AIG1: variants seen among roughly 807,000 people sequenced by gnomAD.
The protein encoded by AIG1 is androgen-induced gene 1 protein.
Under a neutral mutation model 31.4 loss-of-function variants are expected in AIG1, and 23 were observed. The observed-to-expected ratio is 0.73, with a 90% confidence interval of 0.53 to 1.04. The LOEUF (loss-of-function observed/expected upper bound fraction) is 1.04. AIG1 is among the 50% of genes least tolerant of loss of function. The pLI is 0.00. For synonymous variants in AIG1, 100 were observed against 110.5 expected (o/e 0.90, Z 0.60); for missense variants, 274 against 295.0 (o/e 0.93, Z 0.52).
chr6:143,186,664 C>A (rs1451071368), intron 3 of AIG1: 1 of 152,242 alleles, frequency 6.6e-6, no homozygotes, highest in Non-Finnish European at 1.5e-5. Flanking sequence ...CTTTTTCCCA[C>A]AACAGTTTAA....
At chr6:143,283,810 G>T (rs1000524470) in intron 3 of AIG1, among the ~76,000 whole-genome samples, 1 of 152,128 alleles carries the variant, frequency 6.6e-6, no homozygotes, top group African/African-American at 2.4e-5. Flanking sequence ...AGTGGTGATT[G>T]TTATTCCTCT....
chr6:143,332,217 T>C (rs959412297), intron 4 of AIG1, among the ~76,000 whole-genome samples: 1 of 152,080 alleles, frequency 6.6e-6, no homozygotes, highest in Non-Finnish European at 1.5e-5. Flanking sequence ...AAGCCAAGGA[T>C]AAGGAAAATG....
rs1359962220 is a variant in AIG1, at chr6:143,154,575, T to C, written c.298-10507T>C. ...TTTCTTTGTAATAACAGAATACTTCTGTATCTCGAGCAGGCAGTCGTGATA... is the reference window on the plus strand; with the variant it reads ...TTTCTTTGTAATAACAGAATACTTCCGTATCTCGAGCAGGCAGTCGTGATA... On this transcript the variant is annotated intron_variant, in intron 2 of 5. Transcript: ENST00000357847. 4.6e-5 allele frequency among the ~76,000 whole-genome samples: 7 copies of C among 152,226 alleles called. No homozygotes were observed. In the East Asian group the frequency reaches 9.6e-4, roughly 21 times the overall value.
chr6:143,339,759 G>A lies in AIG1; in HGVS notation c.*83G>A. The A allele has an allele frequency of 3.4e-6, 5 of 1,485,136 alleles. No individual in the cohort carries two copies. Among genetic ancestry groups the A allele is most frequent in the Admixed American group, 1.9e-5 (1 of 53,538 alleles). The allele number at this position is 1,485,136 out of a possible 1,614,324, so 92.0% of individuals were successfully genotyped here. A position where few individuals can be genotyped will look rare whatever the true frequency, so the allele number is the denominator to read the frequency against. ...GGGCATTGGCAGTGGGGGAGAAAAG[G>A]CTTCAAAGGAACTTGGTGGCATCAG... is the stretch of plus-strand genomic sequence containing the variant. On this transcript the variant is annotated 3_prime_UTR_variant, in exon 6 of 6. Coordinates refer to ENST00000357847, the MANE Select transcript of AIG1 (RefSeq NM_016108.4).
At chr6:143,143,583 CTCTT>C (rs200997626) in intron 2 of AIG1, among the ~76,000 whole-genome samples, 1,730 of 135,162 alleles carry the variant, frequency 0.013, 42 homozygotes, top group African/African-American at 0.043. Flanking sequence ...TTCTGATCCT[CTCTT>C]TATTAAATTT....
intron 2 of AIG1, among the ~76,000 whole-genome samples, chr6:143,151,107 C>G (rs1157680049): frequency 6.6e-6 from 1 of 152,028 alleles, no homozygotes; most frequent in African/African-American, 2.4e-5. Flanking sequence ...GCTAACTCCT[C>G]CCACTTTATT....
At chr6:143,290,311 A>C (rs1328698530) in intron 4 of AIG1, among the ~76,000 whole-genome samples, 1 of 152,238 alleles carries the variant, frequency 6.6e-6, no homozygotes. Context: ...TCAAGTGTGC[A>C]GTTTGACCCT....
intron 1 of AIG1, among the ~76,000 whole-genome samples, chr6:143,129,073 C>T (rs570588521): frequency 2.0e-5 from 3 of 152,082 alleles, no homozygotes; most frequent in South Asian, 2.1e-4. Context: ...AGGCAGATCA[C>T]GAGGTCAAGA....
At chr6:143,303,432 C>T (rs1319006159) in intron 4 of AIG1, among the ~76,000 whole-genome samples, 2 of 151,808 alleles carry the variant, frequency 1.3e-5, no homozygotes, top group African/African-American at 4.8e-5. Flanking sequence ...CCAGTTTCAG[C>T]TTTCTACATA....
chr6:143,067,810 G>GT (rs893306854), intron 1 of AIG1, among the ~76,000 whole-genome samples: 24 of 152,012 alleles, frequency 1.6e-4, no homozygotes, highest in African/African-American at 5.8e-4. Flanking sequence ...ATTTTTTTCT[G>GT]TTTTTTGTTT....
At chr6:143,142,550 C>G (rs1200603056) in intron 2 of AIG1, among the ~76,000 whole-genome samples, 1 of 152,076 alleles carries the variant, frequency 6.6e-6, no homozygotes, top group Non-Finnish European at 1.5e-5. Context: ...GATGATAGCC[C>G]TTTCTGAGTG....
Position 143,333,173 on chromosome 6 carries a change from A to G in AIG1, c.516-109A>G. 8.8e-7 allele frequency: 1 copy of G among 1,140,292 alleles called. No homozygotes were observed. Among genetic ancestry groups the G allele is most frequent in the Non-Finnish European group, 1.2e-6 (1 of 849,188 alleles). 70.6% of individuals were successfully genotyped at this position (1,140,292 alleles called of 1,614,324 possible). On this transcript the variant is annotated intron_variant, in intron 4 of 5. Coordinates refer to ENST00000357847, the MANE Select transcript of AIG1 (RefSeq NM_016108.4). The surrounding 1 kb of genome is among the most constrained non-coding windows in gnomAD (Gnocchi z 4.6). ...ATCAGAAGCGAACTTGAGACTGGCA[A>G]ATGCTGAAGCATGGGGAGAGTGAGG... is the stretch of plus-strand genomic sequence containing the variant.
At chr6:143,235,181 G>C (rs2128634427) in intron 3 of AIG1, among the ~76,000 whole-genome samples, 1 of 152,130 alleles carries the variant, frequency 6.6e-6, no homozygotes, top group East Asian at 1.9e-4. Context: ...AACCTAAGGT[G>C]GTAGGCTATG....
chr6:143,277,104 A>G lies in AIG1; in HGVS notation c.400-7006A>G, dbSNP rs987342649. On this transcript the variant is annotated intron_variant, in intron 3 of 5. Transcript: ENST00000357847. The stretch of plus-strand genomic sequence containing the variant: ...TCAGTTTTTCTCATGTCCCCTTTCT[A>G]TTGTTTTAGATCATGTTTTGCTAAT... Among the ~76,000 whole-genome samples the G allele has an allele frequency of 4.6e-5, 7 of 152,008 alleles. No individual in the cohort carries two copies. In the South Asian group the frequency reaches 8.3e-4, roughly 18 times the overall value.
intron 1 of AIG1, among the ~76,000 whole-genome samples, chr6:143,065,422 A>G (rs2128457311): frequency 6.6e-6 from 1 of 152,344 alleles, no homozygotes; most frequent in Non-Finnish European, 1.5e-5. Context: ...TTACTCAAAT[A>G]TTAACACTTT....
intron 3 of AIG1, among the ~76,000 whole-genome samples, chr6:143,283,720 G>A (rs1797503639): frequency 6.6e-6 from 1 of 152,122 alleles, no homozygotes; most frequent in South Asian, 2.1e-4. Context: ...AAACAGAATT[G>A]CACACACAGT....
intron 4 of AIG1, among the ~76,000 whole-genome samples, chr6:143,295,052 G>A (rs1051935065): frequency 1.3e-5 from 2 of 152,066 alleles, no homozygotes; most frequent in Admixed American, 6.6e-5. Flanking sequence ...CTCATGCCAT[G>A]CCAGATGTCT....
chr6:143,214,070 T>C lies in AIG1; in HGVS notation c.399+48887T>C, dbSNP rs752375474. Among the ~76,000 whole-genome samples the C allele has an allele frequency of 3.9e-5, 6 of 152,290 alleles. No individual in the cohort carries two copies. In the South Asian group the frequency reaches 1.0e-3, roughly 26 times the overall value. The stretch of plus-strand genomic sequence containing the variant: ...TAAAACATATGCTTGATTTTTCCTA[T>C]TAAGAGACTTTGCCAAAGCCTAGTA... On this transcript the variant is annotated intron_variant, in intron 3 of 5. Coordinates refer to ENST00000357847, the MANE Select transcript of AIG1 (RefSeq NM_016108.4).
chr6:143,272,178 T>C (rs1221129804), intron 3 of AIG1, among the ~76,000 whole-genome samples: 2 of 152,192 alleles, frequency 1.3e-5, no homozygotes, highest in Non-Finnish European at 2.9e-5. Context: ...CATGTAGGTA[T>C]GCAGTGGGAA....
Sources: allele counts gnomAD v4.1 joint callset (sites outside exome capture counted in the v4.1 genomes callset), GRCh38; gene constraint gnomAD v4.1.1; non-coding constraint Gnocchi (gnomAD v3.1); transcripts MANE v1.5; gene names NCBI Gene and HGNC (gene_info 2026-07-23, HGNC 2026-07-21).